VPS13C: variants seen among roughly 807,000 people sequenced by gnomAD.
VPS13C encodes the protein vacuolar protein sorting 13 homolog C.
VPS13C carries 358 observed loss-of-function variants against 456.8 expected under a neutral mutation model. That is an observed-to-expected ratio of 0.78 (90% CI 0.72 to 0.86). The LOEUF is 0.86. Ranked by LOEUF, VPS13C falls within the 40% of genes least tolerant of loss-of-function variation. The pLI is 0.00. For missense variants in VPS13C, 4,818 were observed against 4,385.4 expected, an observed-to-expected ratio of 1.10 and a Z score of -2.79; for synonymous variants, 1,578 against 1,486.7, an observed-to-expected ratio of 1.06 and a Z score of -1.41.
At chr15:61,895,080 T>C (rs2042766794) in intron 66 of VPS13C, among the ~76,000 whole-genome samples, 1 of 151,988 alleles carries the variant, frequency 6.6e-6, no homozygotes, top group Non-Finnish European at 1.5e-5. Flanking sequence ...TTGTAAAGTA[T>C]AAAAACACAG....
Position 61,915,681 on chromosome 15 carries a change from A to G in VPS13C, c.8397T>C (p.Asp2799=), listed in dbSNP as rs2043448655. Residue 2799 remains aspartate (D), a synonymous_variant, in exon 61 of 85, where the codon GAT becomes GAC. Coordinates refer to ENST00000644861, the MANE Select transcript of VPS13C (RefSeq NM_020821.3). ...IHVKHPADFR[D]IILFSFKKKN... ...TCTTCTTGAAAGAAAATAAAATAAT[A>G]TCCCTGAAATCAGCTGGATGTTTCA... The G allele has an allele frequency of 6.2e-7, 1 of 1,605,378 alleles. No individual in the cohort carries two copies. Among genetic ancestry groups the G allele is most frequent in the East Asian group, 2.2e-5 (1 of 44,870 alleles).
In VPS13C at chr15:62,008,745, T is replaced by C. The variant is rs1269318358; in HGVS notation, c.1028A>G (p.Asp343Gly). Residue 343 changes from aspartate to glycine, a missense_variant, in exon 14 of 85, where the codon GAC becomes GGC. By Grantham distance (94) the Asp-to-Gly change is moderately conservative (BLOSUM62 -1). Transcript: ENST00000644861. Reference sequence around the variant, plus strand: ...CATATAATCCACTGACTCCAAAAGGTCAATCATACTTAAGTACTGTTAAAA... The same window carrying C: ...CATATAATCCACTGACTCCAAAAGGCCAATCATACTTAAGTACTGTTAAAA... ...LTKPQYLSMIDLLESVDYMVR... is the reference protein window; with the variant it reads ...LTKPQYLSMIGLLESVDYMVR... 2.5e-6 allele frequency: 4 copies of C among 1,600,534 alleles called. No individual in the cohort carries two copies. The highest frequency in any genetic ancestry group is 3.4e-6 in the Non-Finnish European group (4 of 1,172,722).
chr15:61,906,924 T>C (rs544355759), intron 66 of VPS13C: 3 of 230,896 alleles, frequency 1.3e-5, no homozygotes, highest in Non-Finnish European at 2.6e-5. Flanking sequence ...TAAAAACTCA[T>C]AGCCAAAAGT....
intron 56 of VPS13C, 78 bp from the exon 57 acceptor site, chr15:61,920,409 T>A: frequency 6.7e-7 from 1 of 1,495,942 alleles, no homozygotes. Context: ...TAATTACACA[T>A]TTTTTGGAAA....
At chr15:62,003,556 G>A (rs1389941679) in intron 15 of VPS13C, among the ~76,000 whole-genome samples, 1 of 152,088 alleles carries the variant, frequency 6.6e-6, no homozygotes, top group Non-Finnish European at 1.5e-5. Flanking sequence ...CCAACACTAT[G>A]TGGAATAGGA....
chr15:61,875,956 A>G, intron 75 of VPS13C, 111 bp from the exon 76 acceptor site: 1 of 728,918 alleles, frequency 1.4e-6, no homozygotes, highest in Non-Finnish European at 2.2e-6. Context: ...GTTAAAAGAA[A>G]GCTGTATGGA....
At chr15:62,038,434 C>G (rs11634163) in intron 3 of VPS13C, among the ~76,000 whole-genome samples, 1 of 151,640 alleles carries the variant, frequency 6.6e-6, no homozygotes, top group South Asian at 2.1e-4. Flanking sequence ...ACAAAAAATA[C>G]AAATATGAGC....
chr15:62,050,779 G>A (rs182998991), intron 1 of VPS13C, among the ~76,000 whole-genome samples: 3 of 145,772 alleles, frequency 2.1e-5, no homozygotes, highest in Admixed American at 1.4e-4. Flanking sequence ...TCCAGCCTCA[G>A]TGACAGCCAG....
intron 16 of VPS13C, among the ~76,000 whole-genome samples, chr15:61,995,597 G>C (rs977763806): frequency 6.6e-6 from 1 of 152,172 alleles, no homozygotes; most frequent in African/African-American, 2.4e-5. Context: ...GGTTGTCTAT[G>C]TTGGGAAGCC....
intron 52 of VPS13C, among the ~76,000 whole-genome samples, chr15:61,925,796 G>A (rs1475721143): frequency 4.6e-5 from 7 of 152,164 alleles, no homozygotes; most frequent in African/African-American, 7.2e-5. Context: ...AAATCCTTAA[G>A]TAATAAAGCA....
rs192667052 is a variant in VPS13C, at chr15:61,911,953, G to C, written c.8602C>G (p.Leu2868Val). 38 of 1,611,660 alleles carry C rather than the reference G, an allele frequency of 2.4e-5. No individual in the cohort carries two copies. In the Admixed American group the frequency reaches 6.3e-4, roughly 27 times the overall value. ...SSFNLSRIVTLTPFCTIANKS... is the reference protein window; with the variant it reads ...SSFNLSRIVTVTPFCTIANKS... ...TTTGCAATGGTACAAAAGGGAGTCA[G>C]GGTAACTATTCGTGAAAGGTTGAAA... The change falls in exon 63 of 85, where the codon CTG becomes GTG. Residue 2868 changes from leucine (L) to valine (V), a missense_variant. Physicochemically the swap from Leu to Val is conservative, Grantham distance 32. This residue lies in a region of VPS13C where 4,552 missense variants were observed against 4,130.6 expected (regional missense o/e 1.10). Coordinates refer to ENST00000644861, the MANE Select transcript of VPS13C (RefSeq NM_020821.3).
intron 49 of VPS13C, among the ~76,000 whole-genome samples, chr15:61,931,672 C>A (rs1046608695): frequency 2.7e-5 from 4 of 150,688 alleles, no homozygotes; most frequent in African/African-American, 9.8e-5. Context: ...CCACCTCCTG[C>A]GTTTAAGCAA....
intron 52 of VPS13C, among the ~76,000 whole-genome samples, chr15:61,926,132 T>C (rs551171557): frequency 6.6e-6 from 1 of 152,166 alleles, no homozygotes; most frequent in African/African-American, 2.4e-5. Context: ...GGTATGGTAG[T>C]GCATACCTAT....
Position 61,937,726 on chromosome 15 carries a change from G to A in VPS13C, c.5602-976C>T, listed in dbSNP as rs186917860. Among the ~76,000 whole-genome samples, 235 of 152,160 alleles carry A rather than the reference G, an allele frequency of 1.5e-3. 1 individual carries two copies. The highest frequency in any genetic ancestry group is 5.4e-3 in the African/African-American group (225 of 41,516). On this transcript the variant is annotated intron_variant, in intron 47 of 84. Transcript: ENST00000644861. ...CCTGACCTCGTGATCCAACCGCCTC[G>A]GCCTCCCAAAGTGCTGGGATTACAG... is the stretch of plus-strand genomic sequence containing the variant.
In VPS13C at chr15:61,991,080, T is replaced by C; in HGVS notation, c.1498A>G (p.Met500Val). ...SLIPETIDDL[M>V]TPEEKDKLFT... ...AGTTTATCTTTTTCCTCTGGAGTCA[T>C]AAGGTCATCAATAGCTATGAAAAAA... Residue 500 changes from methionine (M) to valine (V), a missense_variant, in exon 18 of 85, where the codon ATG becomes GTG. Coordinates refer to ENST00000644861, the MANE Select transcript of VPS13C (RefSeq NM_020821.3). 6.2e-7 allele frequency: 1 copy of C among 1,609,444 alleles called. No homozygotes were observed. Among genetic ancestry groups the C allele is most frequent in the Non-Finnish European group, 8.5e-7 (1 of 1,178,576 alleles).
rs1451607738 is a variant in VPS13C, at chr15:61,858,439, A to G, written c.10953-2030T>C. The stretch of plus-strand genomic sequence containing the variant: ...CCACTCAGTCACCAAGCCTTGTCTC[A>G]TAAGTCAAATCCTCATTCTTTAGGC... On this transcript the variant is annotated intron_variant, in intron 82 of 84. Coordinates refer to ENST00000644861, the MANE Select transcript of VPS13C (RefSeq NM_020821.3). This position sits in a 1 kb window ranked among gnomAD's most constrained non-coding sequence, Gnocchi z 4.4. Among the ~76,000 whole-genome samples, 2 of 152,016 alleles carry G rather than the reference A, an allele frequency of 1.3e-5. No homozygotes were observed. The highest frequency in any genetic ancestry group is 4.8e-5 in the African/African-American group (2 of 41,378).
At chr15:61,893,846 G>C (rs991543725) in intron 66 of VPS13C, among the ~76,000 whole-genome samples, 1 of 151,838 alleles carries the variant, frequency 6.6e-6, no homozygotes, top group Non-Finnish European at 1.5e-5. Flanking sequence ...AATGTATTGT[G>C]TCTATAAGAT....
At position 62,060,386 on chromosome 15, in the gene VPS13C, G is replaced by A. The variant is rs749483570; in HGVS notation, c.-12C>T. ...GACTCCAGCACCATGGTGGCGCTGA[G>A]GCACAAGGAGAGGGAGGAGCCGGAA... On this transcript the variant is annotated 5_prime_UTR_variant, in exon 1 of 85. Coordinates refer to ENST00000644861, the MANE Select transcript of VPS13C (RefSeq NM_020821.3). 8.0e-6 allele frequency: 12 copies of A among 1,509,338 alleles called. No individual in the cohort carries two copies. In the South Asian group the frequency reaches 1.0e-4, roughly 13 times the overall value. The allele number at this position is 1,509,338 out of a possible 1,614,324, so 93.5% of individuals were successfully genotyped here. A position where few individuals can be genotyped will look rare whatever the true frequency, so the allele number is the denominator to read the frequency against.
intron 18 of VPS13C, among the ~76,000 whole-genome samples, chr15:61,986,110 T>TAC (rs147487159): frequency 1.3e-3 from 188 of 147,634 alleles, no homozygotes; most frequent in Non-Finnish European, 2.2e-3. Flanking sequence ...CACATACACA[T>TAC]ACACACACAC....
Sources: gnomAD v4.1 joint callset for allele counts (sites outside exome capture counted in the v4.1 genomes callset) on GRCh38, gnomAD v4.1.1 for gene constraint, gnomAD v4.1.1 regional missense constraint, Gnocchi (gnomAD v3.1) non-coding constraint, MANE v1.5 for transcripts, NCBI Gene and HGNC (gene_info 2026-07-23, HGNC 2026-07-21) for gene names.